The following MAMLD1 variants were observed in gnomAD, a reference collection of about 807,000 sequenced individuals.
The protein encoded by MAMLD1 is mastermind like domain containing 1, also known as mastermind-like domain-containing protein 1.
A neutral mutation model predicts 45.0 loss-of-function variants in MAMLD1; 14 were observed. The observed-to-expected ratio is 0.31, with a 90% CI of 0.21 to 0.49. MAMLD1 has a LOEUF of 0.49. Among genes scored for constraint, MAMLD1 ranks in the 20% least tolerant of loss-of-function variants. The pLI is 0.99. For missense variants in MAMLD1, 543 were observed against 603.6 expected, an observed-to-expected ratio of 0.90 and a Z score of 1.05; for synonymous variants, 254 against 247.8, an observed-to-expected ratio of 1.02 and a Z score of -0.24.
intron 1 of MAMLD1, among the ~76,000 whole-genome samples, chrX:150,402,666 C>G (rs2033825132): frequency 8.9e-6 from 1 of 111,895 alleles, no homozygotes; most frequent in African/African-American, 3.3e-5. Context: ...AGACTTGGAA[C>G]CAACCCAAAT....
chrX:150,466,684 A>C (rs781888001), intron 3 of MAMLD1, among the ~76,000 whole-genome samples: 1 of 112,348 alleles, frequency 8.9e-6, no homozygotes, highest in South Asian at 3.7e-4. Context: ...TAGAATTGGA[A>C]TTGATCAGGG....
intron 4 of MAMLD1, among the ~76,000 whole-genome samples, chrX:150,473,070 C>A (rs782063605): frequency 1.2e-4 from 13 of 112,882 alleles, no homozygotes; most frequent in Non-Finnish European, 1.9e-4. Context: ...GCTGGCCCCA[C>A]CAGCCTCCTG....
intron 1 of MAMLD1, among the ~76,000 whole-genome samples, chrX:150,444,452 A>G (rs1440376659): frequency 8.9e-6 from 1 of 112,043 alleles, no homozygotes; most frequent in Non-Finnish European, 1.9e-5. Context: ...AGGCAGAAAC[A>G]AAATCCAGAG....
Position 150,366,190 on chromosome X carries a change from T to C in MAMLD1, c.-64+2660T>C, listed in dbSNP as rs2031431537. On this transcript the variant is annotated intron_variant, in intron 1 of 7. Transcript: ENST00000370401. ...GCCGCCTCCGCCCCTCCTACTTCCA[T>C]TTAATCTGATGTCGACGTTTTATTT... Among the ~76,000 whole-genome samples, 16 of 112,298 alleles carry C rather than the reference T, an allele frequency of 1.4e-4. No homozygotes were observed. The Admixed American group carries it at 1.5e-3, about 10-fold the overall frequency.
At position 150,402,327 on chromosome X, in the gene MAMLD1, A is replaced by G. The variant is rs782768316; in HGVS notation, c.-64+38797A>G. On this transcript the variant is annotated intron_variant, in intron 1 of 7. Transcript: ENST00000370401. The stretch of plus-strand genomic sequence containing the variant: ...CCAAAAAACACATGAAAAAATGCTC[A>G]CCATCACTGGCCATCAGAGAAATGC... Among the ~76,000 whole-genome samples the G allele has an allele frequency of 4.3e-3, 459 of 107,977 alleles. 2 individuals carry two copies. Among genetic ancestry groups the G allele is most frequent in the African/African-American group, 0.015 (443 of 28,759 alleles). 93.8% of individuals were successfully genotyped at this position (107,977 alleles called of 115,157 possible).
At chrX:150,374,332 C>T (rs1557401411) in intron 1 of MAMLD1, among the ~76,000 whole-genome samples, 1 of 112,033 alleles carries the variant, frequency 8.9e-6, no homozygotes, top group Non-Finnish European at 1.9e-5. Context: ...GTGAACCTGC[C>T]AAGTCTCAGT....
intron 1 of MAMLD1, among the ~76,000 whole-genome samples, chrX:150,415,544 A>G (rs2034227428): frequency 8.9e-6 from 1 of 112,709 alleles, no homozygotes; most frequent in Non-Finnish European, 1.9e-5. Flanking sequence ...GAGTACTGGA[A>G]TCAGTATGAC....
intron 1 of MAMLD1, among the ~76,000 whole-genome samples, chrX:150,371,653 A>G (rs1359007334): frequency 9.0e-6 from 1 of 111,711 alleles, no homozygotes; most frequent in Non-Finnish European, 1.9e-5. Flanking sequence ...TCCCAGCTCC[A>G]CCCTCACCCC....
chrX:150,510,688 C>T (rs1451085212), intron 7 of MAMLD1, among the ~76,000 whole-genome samples: 1 of 112,559 alleles, frequency 8.9e-6, no homozygotes, highest in African/African-American at 3.2e-5. Flanking sequence ...GCAACCCTTA[C>T]GCACCAGTGG....
At chrX:150,489,613 C>A (rs1225099998) in intron 5 of MAMLD1, among the ~76,000 whole-genome samples, 1 of 107,491 alleles carries the variant, frequency 9.3e-6, no homozygotes, top group African/African-American at 3.4e-5. Context: ...TTGCACCAGC[C>A]TAATATTATA....
chrX:150,411,046 A>ATTC (rs1306464558), intron 1 of MAMLD1, among the ~76,000 whole-genome samples: 9,962 of 111,293 alleles, frequency 0.09, 639 homozygotes, highest in African/African-American at 0.22. Flanking sequence ...GCCCAGGACA[A>ATTC]TTCTTCTTCC....
intron 1 of MAMLD1, among the ~76,000 whole-genome samples, chrX:150,430,102 A>C (rs1291990566): frequency 6.6e-5 from 6 of 91,376 alleles, no homozygotes; most frequent in African/African-American, 8.4e-5. Context: ...GCTCACTGCA[A>C]CCTCCACCTC....
rs2037864954 is a variant in MAMLD1 at position 150,510,500 on chromosome X, A to G, written c.*44+454A>G. ...AGGGGTTGGGGAGGCTCTGCTTCAGAAAGTTTGTGTCAGGGGCTCCCAGAG... is the reference window on the plus strand; with the variant it reads ...AGGGGTTGGGGAGGCTCTGCTTCAGGAAGTTTGTGTCAGGGGCTCCCAGAG... On this transcript the variant is annotated intron_variant, in intron 7 of 7. Coordinates refer to ENST00000370401, the MANE Select transcript of MAMLD1 (RefSeq NM_005491.5). Among the ~76,000 whole-genome samples the G allele has an allele frequency of 4.5e-5, 5 of 112,061 alleles. No homozygotes were observed. In the South Asian group the frequency reaches 1.9e-3, roughly 42 times the overall value.
In MAMLD1 at chrX:150,512,390, A is replaced by C. The variant is rs2037927071; in HGVS notation, c.*431A>C. ...GCTCAGACGGCCTAGTGTGCCAAGA[A>C]TGCCCACTGCGTTCAACAATGCTGC... On this transcript the variant is annotated 3_prime_UTR_variant, in exon 8 of 8. Transcript: ENST00000370401. 3 of 1,145,350 alleles carry C rather than the reference A, an allele frequency of 2.6e-6. No individual in the cohort carries two copies. Among genetic ancestry groups the C allele is most frequent in the Non-Finnish European group, 3.5e-6 (3 of 865,315 alleles). The allele number at this position is 1,145,350 out of a possible 1,213,427, so 94.4% of individuals were successfully genotyped here. A position where few individuals can be genotyped will look rare whatever the true frequency, so the allele number is the denominator to read the frequency against.
chrX:150,373,466 TCA>T (rs368567940), intron 1 of MAMLD1, among the ~76,000 whole-genome samples: 31,978 of 102,693 alleles, frequency 0.31, 4,168 homozygotes, highest in Middle Eastern at 0.41. Flanking sequence ...TCTCTCTCTC[TCA>T]CACACACACA....
At position 150,470,123 on chromosome X, in the gene MAMLD1, A is replaced by G; in HGVS notation, c.550A>G (p.Thr184Ala). 1 of 1,211,776 alleles carries G rather than the reference A, an allele frequency of 8.3e-7. No individual in the cohort carries two copies. Among genetic ancestry groups the G allele is most frequent in the South Asian group, 1.8e-5 (1 of 56,974 alleles). ...QELQELLEEL[T>A]KIQDPSPNEL... ...GCTTCAAGAGCTGCTAGAGGAGCTC[A>G]CCAAAATTCAAGACCCTTCTCCAAA... is the stretch of plus-strand genomic sequence containing the variant. The change falls in exon 4 of 8, where the codon ACC (threonine) becomes GCC (alanine). Residue 184 changes from threonine (T) to alanine (A), a missense_variant. Coordinates refer to ENST00000370401, the MANE Select transcript of MAMLD1 (RefSeq NM_005491.5).
chrX:150,473,705 C>T lies in MAMLD1; in HGVS notation c.1943C>T (p.Thr648Ile), dbSNP rs2036498243. Residue 648 changes from threonine (T) to isoleucine (I), a missense_variant, in exon 5 of 8, where the codon ACT (threonine) becomes ATT (isoleucine). Transcript: ENST00000370401. ...GGCTGTTGCCATCTGTTTGCATGGA[C>T]TTCTGCAGCTAGCTCGGTGAAGCCC... ...RQGCCHLFAW[T>I]SAASSVKPQH... The T allele has an allele frequency of 6.6e-6, 8 of 1,210,283 alleles. No individual in the cohort carries two copies. The highest frequency in any genetic ancestry group is 8.9e-6 in the Non-Finnish European group (8 of 894,067).
chrX:150,399,948 G>T (rs981126479), intron 1 of MAMLD1, among the ~76,000 whole-genome samples: 5 of 112,074 alleles, frequency 4.5e-5, no homozygotes, highest in Non-Finnish European at 9.4e-5. Flanking sequence ...CTCTGGCATT[G>T]GTGGTACTCA....
intron 1 of MAMLD1, among the ~76,000 whole-genome samples, chrX:150,367,973 G>C (rs1463852660): frequency 1.8e-5 from 2 of 111,156 alleles, no homozygotes; most frequent in Admixed American, 9.5e-5. Context: ...TGGACATTTG[G>C]GTTGGTTCCA....
Sources: allele counts gnomAD v4.1 joint callset (sites outside exome capture counted in the v4.1 genomes callset), GRCh38; gene constraint gnomAD v4.1.1; transcripts MANE v1.5; gene names NCBI Gene and HGNC (gene_info 2026-07-23, HGNC 2026-07-21).